PTPRO: variants seen among roughly 807,000 people sequenced by gnomAD.
The protein encoded by PTPRO is receptor-type tyrosine-protein phosphatase O.
PTPRO carries 62 observed loss-of-function variants against 145.2 expected under a neutral mutation model. The observed-to-expected ratio is 0.43, with a 90% CI of 0.35 to 0.53. PTPRO has a LOEUF of 0.53. Ranked by LOEUF, PTPRO falls within the 20% of genes least tolerant of loss-of-function variation. The probability of loss-of-function intolerance (pLI) is 0.01; values close to 1 mark genes in which losing one functional copy is unlikely to be tolerated. For missense variants in PTPRO, 1,345 were observed against 1,482.7 expected (o/e 0.91, Z 1.53); for synonymous variants, 565 against 514.7 (o/e 1.10, Z -1.32).
chr12:15,583,100 T>C (rs985778883), intron 23 of PTPRO, among the ~76,000 whole-genome samples: 8 of 152,226 alleles, frequency 5.3e-5, no homozygotes, highest in African/African-American at 1.9e-4. Context: ...GTTAAGGAAA[T>C]AGCAAACTGT....
chr12:15,400,101 C>T (rs1458369802), intron 1 of PTPRO, among the ~76,000 whole-genome samples: 9 of 149,820 alleles, frequency 6.0e-5, no homozygotes, highest in Non-Finnish European at 1.0e-4. Context: ...AGCGATTCTC[C>T]TGCCTCAGCC....
intron 1 of PTPRO, among the ~76,000 whole-genome samples, chr12:15,390,113 AG>A (rs527253122): frequency 7.3e-4 from 111 of 152,294 alleles, no homozygotes; most frequent in African/African-American, 2.3e-3. Flanking sequence ...TTTTCTGGGG[AG>A]CCTTATGAAA....
intron 25 of PTPRO, among the ~76,000 whole-genome samples, chr12:15,592,391 T>C (rs772844780): frequency 6.6e-6 from 1 of 152,212 alleles, no homozygotes; most frequent in Non-Finnish European, 1.5e-5. Context: ...TCAACCCACA[T>C]AGACCATATT....
At chr12:15,580,896 A>G in intron 22 of PTPRO, 65 bp downstream of exon 22, 1 of 1,584,908 alleles carries the variant, frequency 6.3e-7, no homozygotes, top group Non-Finnish European at 8.7e-7. Context: ...GCCGTTGATG[A>G]AATGCTTGCT....
At chr12:15,501,509 A>G (rs1942220734) in intron 4 of PTPRO, 111 bp from the exon 5 acceptor site, 1 of 1,033,148 alleles carries the variant, frequency 9.7e-7, no homozygotes. Context: ...CAGAAGTAAA[A>G]TTAAATTCCA....
intron 1 of PTPRO, chr12:15,440,105 C>T (rs1414024087): frequency 4.7e-6 from 3 of 632,534 alleles, no homozygotes; most frequent in Admixed American, 4.6e-5. Context: ...GCTGGTGCAC[C>T]TCATCCCTGA....
At position 15,499,673 on chromosome 12, in the gene PTPRO, A is replaced by T. The variant is rs188797526; in HGVS notation, c.661+79A>T. The T allele has an allele frequency of 9.6e-6, 14 of 1,459,440 alleles. No homozygotes were observed. The Admixed American group carries it at 1.2e-4, about 13-fold the overall frequency. The allele number at this position is 1,459,440 out of a possible 1,614,324, so 90.4% of individuals were successfully genotyped here. A position where few individuals can be genotyped will look rare whatever the true frequency, so the allele number is the denominator to read the frequency against. ...CTGTACATTTATTTTTTATCCTAAGAAATATTCTGATCCAGAGCAAAGAAA... is the reference window on the plus strand; with the variant it reads ...CTGTACATTTATTTTTTATCCTAAGTAATATTCTGATCCAGAGCAAAGAAA... On this transcript the variant is annotated intron_variant, in intron 4 of 26. Coordinates refer to ENST00000281171, the MANE Select transcript of PTPRO (RefSeq NM_030667.3).
Position 15,535,765 on chromosome 12 carries a change from T to C in PTPRO, c.2164+9503T>C, listed in dbSNP as rs150753641. 6.0e-4 allele frequency among the ~76,000 whole-genome samples: 91 copies of C among 152,374 alleles called. No individual in the cohort carries two copies. The East Asian group carries it at 0.015, about 25-fold the overall frequency. ...TTTAACAGAACAGGGAGGAGCCTCATACCCACTTTTGTGACTTTCCGTTCC... is the reference window on the plus strand; with the variant it reads ...TTTAACAGAACAGGGAGGAGCCTCACACCCACTTTTGTGACTTTCCGTTCC... On this transcript the variant is annotated intron_variant, in intron 12 of 26. Transcript: ENST00000281171.
At chr12:15,462,041 T>C (rs555455013) in intron 1 of PTPRO, among the ~76,000 whole-genome samples, 1 of 152,298 alleles carries the variant, frequency 6.6e-6, no homozygotes, top group South Asian at 2.1e-4. Context: ...GCTCATCTTC[T>C]GTCCCTAACC....
intron 2 of PTPRO, among the ~76,000 whole-genome samples, chr12:15,495,745 T>C (rs2136459126): frequency 6.6e-6 from 1 of 152,226 alleles, no homozygotes; most frequent in Middle Eastern, 3.4e-3. Flanking sequence ...TTTATCAGGA[T>C]TACAAAAAAA....
At chr12:15,470,811 A>G (rs61908048) in intron 1 of PTPRO, among the ~76,000 whole-genome samples, 1 of 152,222 alleles carries the variant, frequency 6.6e-6, no homozygotes, top group Admixed American at 6.5e-5. Flanking sequence ...AGGACAAAAG[A>G]TGAGTAATGG....
intron 1 of PTPRO, among the ~76,000 whole-genome samples, chr12:15,373,019 G>GT (rs1295104691): frequency 6.6e-6 from 1 of 152,192 alleles, no homozygotes; most frequent in Non-Finnish European, 1.5e-5. Flanking sequence ...AAATTGGAGT[G>GT]TAAGTTTATA....
chr12:15,388,458 G>C (rs73303706), intron 1 of PTPRO, among the ~76,000 whole-genome samples: 22,274 of 151,998 alleles, frequency 0.15, 3,692 homozygotes, highest in African/African-American at 0.41. Flanking sequence ...GATTTGAAAA[G>C]CCTTTGTTAA....
intron 1 of PTPRO, among the ~76,000 whole-genome samples, chr12:15,422,925 C>T (rs75432172): frequency 0.016 from 2,472 of 152,256 alleles, 61 homozygotes; most frequent in African/African-American, 0.056. Flanking sequence ...ATTGTCACAT[C>T]TATCAATTTC....
At chr12:15,523,707 C>G (rs368848079) in intron 10 of PTPRO, among the ~76,000 whole-genome samples, 51 of 152,132 alleles carry the variant, frequency 3.4e-4, no homozygotes, top group African/African-American at 1.2e-3. Context: ...CCTGGGAGGT[C>G]GAGGCTGCAG....
chr12:15,507,755 G>C (rs930779466), intron 6 of PTPRO, among the ~76,000 whole-genome samples: 7 of 152,156 alleles, frequency 4.6e-5, no homozygotes, highest in Non-Finnish European at 8.8e-5. Flanking sequence ...CTCCCCAGTA[G>C]AGCGACTTGC....
intron 3 of PTPRO, 142 bp downstream of exon 3, chr12:15,497,545 T>C: frequency 1.1e-6 from 1 of 949,990 alleles, no homozygotes; most frequent in East Asian, 2.6e-5. Flanking sequence ...TAATTATTGA[T>C]TTATGAAAAT....
chr12:15,395,800 A>G (rs1939320769), intron 1 of PTPRO, among the ~76,000 whole-genome samples: 1 of 128,516 alleles, frequency 7.8e-6, no homozygotes, highest in African/African-American at 3.4e-5. Context: ...AGCACTGGAC[A>G]ATTAAAGATC....
chr12:15,504,352 C>T (rs188256821), intron 6 of PTPRO, among the ~76,000 whole-genome samples: 24 of 152,196 alleles, frequency 1.6e-4, no homozygotes, highest in Middle Eastern at 3.4e-3. Context: ...ATAACAAAGC[C>T]TCCAAGGATG....
Sources: allele counts gnomAD v4.1 joint callset (sites outside exome capture counted in the v4.1 genomes callset), GRCh38; gene constraint gnomAD v4.1.1; transcripts MANE v1.5; gene names NCBI Gene and HGNC (gene_info 2026-07-23, HGNC 2026-07-21).